Variants in SLCO1B1 observed in about 807,000 individuals in gnomAD.
SLCO1B1 encodes OATP-2.
SLCO1B1 carries 81 observed loss-of-function variants against 70.1 expected under a neutral mutation model. The observed-to-expected ratio is 1.16, with a 90% CI of 0.97 to 1.39. The LOEUF is 1.39. SLCO1B1 is among the 40% of genes most tolerant of loss of function. The pLI, the probability that SLCO1B1 is intolerant of heterozygous loss-of-function variation, is 0.00. For missense variants in SLCO1B1, 895 were observed against 799.6 expected (o/e 1.12, Z -1.44); for synonymous variants, 283 against 271.5 (o/e 1.04, Z -0.42).
chr12:21,137,889 C>A (rs1443327865), intron 1 of SLCO1B1, among the ~76,000 whole-genome samples: 1 of 152,184 alleles, frequency 6.6e-6, no homozygotes, highest in Non-Finnish European at 1.5e-5. Context: ...AACCCGGTAC[C>A]TCAGTTGGAA....
chr12:21,136,132 T>C (rs1041248456), intron 1 of SLCO1B1, among the ~76,000 whole-genome samples: 2 of 152,238 alleles, frequency 1.3e-5, no homozygotes, highest in African/African-American at 4.8e-5. Context: ...TGAAAATTCT[T>C]TTCTTTAAGA....
Position 21,200,673 on chromosome 12 carries a change from G to GT in SLCO1B1, c.1135+2dup, listed in dbSNP as rs1565437239. 3.7e-6 allele frequency: 6 copies of GT among 1,610,528 alleles called. No homozygotes were observed. In the Admixed American group the frequency reaches 8.4e-5, roughly 22 times the overall value. On this transcript the variant is annotated splice_donor_variant, in intron 9 of 14. Transcript: ENST00000256958. LOFTEE classifies it high-confidence loss of function. ...TCATCTAAGGCTAACATCTTATTGGGTAAGACATATTTTTTACTTGTGTGC... is the reference window on the plus strand; with the variant it reads ...TCATCTAAGGCTAACATCTTATTGGGTTAAGACATATTTTTTACTTGTGTGC...
intron 12 of SLCO1B1, among the ~76,000 whole-genome samples, chr12:21,218,426 G>A (rs1003215555): frequency 6.6e-6 from 1 of 151,564 alleles, no homozygotes; most frequent in Admixed American, 6.6e-5. Flanking sequence ...TTGATCATAA[G>A]TTCACTGTCA....
At chr12:21,150,682 C>T (rs113122747) in intron 2 of SLCO1B1, among the ~76,000 whole-genome samples, 1 of 152,132 alleles carries the variant, frequency 6.6e-6, no homozygotes, top group African/African-American at 2.4e-5. Context: ...ACAAAAACCC[C>T]ATCTGAAAGG....
At chr12:21,150,206 A>G (rs1381976973) in intron 2 of SLCO1B1, among the ~76,000 whole-genome samples, 1 of 152,106 alleles carries the variant, frequency 6.6e-6, no homozygotes, top group Admixed American at 6.5e-5. Context: ...ACGGGCTTAT[A>G]TATAAAATTC....
At chr12:21,209,219 C>A (rs1941250751) in intron 11 of SLCO1B1, among the ~76,000 whole-genome samples, 1 of 151,882 alleles carries the variant, frequency 6.6e-6, no homozygotes, top group African/African-American at 2.4e-5. Flanking sequence ...TCCTCCCACC[C>A]CACAACAGTC....
chr12:21,138,213 C>T (rs1033001928), intron 1 of SLCO1B1, among the ~76,000 whole-genome samples: 4 of 152,144 alleles, frequency 2.6e-5, no homozygotes, highest in African/African-American at 7.2e-5. Flanking sequence ...TTGCCTAAAC[C>T]GGTTTTCTAT....
intron 13 of SLCO1B1, among the ~76,000 whole-genome samples, chr12:21,223,480 G>A (rs1417803329): frequency 6.6e-6 from 1 of 152,170 alleles, no homozygotes; most frequent in Non-Finnish European, 1.5e-5. Context: ...GTGGCATTAT[G>A]TGGGGAAAAT....
chr12:21,184,511 A>G (rs1014527726), intron 7 of SLCO1B1, among the ~76,000 whole-genome samples: 1 of 152,152 alleles, frequency 6.6e-6, no homozygotes, highest in African/African-American at 2.4e-5. Context: ...ATATCCCACC[A>G]AATTAATTTT....
At chr12:21,198,526 T>C (rs978874081) in intron 8 of SLCO1B1, among the ~76,000 whole-genome samples, 8 of 152,012 alleles carry the variant, frequency 5.3e-5, no homozygotes, top group African/African-American at 1.9e-4. Flanking sequence ...GATAATGAAG[T>C]TGTAAAAATA....
chr12:21,179,865 C>T (rs1171003983), intron 7 of SLCO1B1, among the ~76,000 whole-genome samples: 1 of 152,004 alleles, frequency 6.6e-6, no homozygotes, highest in Non-Finnish European at 1.5e-5. Context: ...TTTTATACCC[C>T]CACACAACTT....
chr12:21,159,029 G>A (rs1281523679), intron 2 of SLCO1B1, among the ~76,000 whole-genome samples: 1 of 152,054 alleles, frequency 6.6e-6, no homozygotes, highest in Non-Finnish European at 1.5e-5. Context: ...AATTGAAGCA[G>A]TACTTGCCAA....
chr12:21,205,294 T>C (rs149375766), intron 10 of SLCO1B1, among the ~76,000 whole-genome samples: 348 of 152,116 alleles, frequency 2.3e-3, no homozygotes, highest in Non-Finnish European at 4.4e-3. Flanking sequence ...ATACTATAGT[T>C]TTATTTCAAA....
At chr12:21,147,751 A>C (rs1816750114) in intron 2 of SLCO1B1, among the ~76,000 whole-genome samples, 1 of 152,158 alleles carries the variant, frequency 6.6e-6, no homozygotes, top group African/African-American at 2.4e-5. Flanking sequence ...ATACATGTGC[A>C]TGTGTCTTTA....
intron 11 of SLCO1B1, among the ~76,000 whole-genome samples, chr12:21,210,239 A>AG (rs1440545872): frequency 7.6e-6 from 1 of 132,142 alleles, no homozygotes; most frequent in Admixed American, 7.7e-5. Flanking sequence ...TTTTTGTATA[A>AG]GGTGTAAGGA....
chr12:21,158,281 C>T (rs909657238), intron 2 of SLCO1B1, among the ~76,000 whole-genome samples: 2 of 152,142 alleles, frequency 1.3e-5, no homozygotes, highest in Non-Finnish European at 2.9e-5. Context: ...TAAGTGATGA[C>T]AGTTGTATAT....
chr12:21,222,388 A>T lies in SLCO1B1; in HGVS notation c.1747+24A>T, dbSNP rs1253587730. ...AGGTATGATGAAAAAAAAAAAAAAAAAAAAAAAAAATATATATATATATAT... is the reference window on the plus strand; with the variant it reads ...AGGTATGATGAAAAAAAAAAAAAAATAAAAAAAAAATATATATATATATAT... On this transcript the variant is annotated intron_variant, in intron 13 of 14. Transcript: ENST00000256958. 8.3e-6 allele frequency: 3 copies of T among 361,066 alleles called. No homozygotes were observed. In the South Asian group the frequency reaches 1.7e-4, roughly 20 times the overall value. 22.4% of individuals were successfully genotyped at this position (361,066 alleles called of 1,614,324 possible). A position where few individuals can be genotyped will look rare whatever the true frequency, so the allele number is the denominator to read the frequency against.
chr12:21,141,264 ACTT>A (rs1940303687), intron 1 of SLCO1B1, among the ~76,000 whole-genome samples: 1 of 102,474 alleles, frequency 9.8e-6, no homozygotes, highest in Non-Finnish European at 2.6e-5. Flanking sequence ...ATTCTATATT[ACTT>A]ACTTGTTTCA....
rs1486611861 is a variant in SLCO1B1 at position 21,191,502 on chromosome 12, T to G, written c.728-5444T>G. On this transcript the variant is annotated intron_variant, in intron 7 of 14. Transcript: ENST00000256958. ...CTGCAACTTTACAGAATGTGTTTAT[T>G]CAATTCTAACAGGTGTGTGTGTGTG... 2.0e-5 allele frequency among the ~76,000 whole-genome samples: 3 copies of G among 152,274 alleles called. No individual in the cohort carries two copies. The East Asian group carries it at 5.8e-4, about 29-fold the overall frequency.
Sources: gnomAD v4.1 joint callset for allele counts (sites outside exome capture counted in the v4.1 genomes callset) on GRCh38, gnomAD v4.1.1 for gene constraint, MANE v1.5 for transcripts, NCBI Gene and HGNC (gene_info 2026-07-23, HGNC 2026-07-21) for gene names.